NRXN1: variants seen among roughly 807,000 people sequenced by gnomAD.
NRXN1 encodes neurexin-1.
NRXN1 carries 39 observed loss-of-function variants against 150.9 expected under a neutral mutation model. The observed-to-expected ratio is 0.26, with a 90% CI of 0.20 to 0.34. The LOEUF is 0.34. Ranked by LOEUF, NRXN1 falls within the 10% of genes least tolerant of loss-of-function variation. NRXN1 has a pLI of 1.00. For synonymous variants in NRXN1, 924 were observed against 757.0 expected, an observed-to-expected ratio of 1.22 and a Z score of -3.62; for missense variants, 1,815 against 1,949.9, an observed-to-expected ratio of 0.93 and a Z score of 1.30.
intron 5 of NRXN1, among the ~76,000 whole-genome samples, chr2:50,786,791 G>A (rs555571333): frequency 7.9e-5 from 12 of 152,134 alleles, no homozygotes; most frequent in African/African-American, 1.9e-4. Context: ...ATTAATGCCC[G>A]CATAAGAATT....
intron 2 of NRXN1, among the ~76,000 whole-genome samples, chr2:50,985,599 A>C (rs891892626): frequency 6.6e-6 from 1 of 151,840 alleles, no homozygotes; most frequent in Non-Finnish European, 1.5e-5. Context: ...AATGTACTAC[A>C]ATAATAAGGA....
chr2:50,929,572 C>G (rs910285594), intron 2 of NRXN1, among the ~76,000 whole-genome samples: 1 of 152,036 alleles, frequency 6.6e-6, no homozygotes, highest in African/African-American at 2.4e-5. Flanking sequence ...GCCACTACTG[C>G]GAGTAGCTTC....
In NRXN1 at chr2:51,027,960, G is replaced by T. The variant is rs1256940986; in HGVS notation, c.314C>A (p.Ala105Asp). The T allele has an allele frequency of 5.0e-6, 8 of 1,602,516 alleles. No homozygotes were observed. The South Asian group carries it at 5.5e-5, about 11-fold the overall frequency. ...GGCGCCGTCGTTAACCGGCGTGTCG[G>T]CCAGGAGCGTCGCAGGCTCAGCGCA... ...IFCAEPATLL[A>D]DTPVNDGAWH... Residue 105 changes from alanine (A) to aspartate (D), a missense_variant, in exon 2 of 23, where the codon GCC becomes GAC. Physicochemically the swap from Ala to Asp is moderately radical, Grantham distance 126. Transcript: ENST00000401669.
chr2:49,953,177 A>T (rs1165508094), intron 21 of NRXN1, among the ~76,000 whole-genome samples: 1 of 152,168 alleles, frequency 6.6e-6, no homozygotes, highest in African/African-American at 2.4e-5. Context: ...ACAGCAAGAA[A>T]TATGGATGTG....
chr2:50,167,222 C>G (rs1049944686), intron 18 of NRXN1, among the ~76,000 whole-genome samples: 45 of 152,108 alleles, frequency 3.0e-4, no homozygotes, highest in African/African-American at 1.1e-3. Flanking sequence ...TGCCTCACCC[C>G]TTATGCATTA....
intron 2 of NRXN1, among the ~76,000 whole-genome samples, chr2:51,001,234 T>TGGG (rs749646036): frequency 3.1e-3 from 42 of 13,470 alleles, no homozygotes; most frequent in South Asian, 7.5e-3. Flanking sequence ...TTCATGGGGT[T>TGGG]GGGGGGGGGG....
chr2:50,351,240 A>T (rs904198562), intron 17 of NRXN1, among the ~76,000 whole-genome samples: 1 of 152,148 alleles, frequency 6.6e-6, no homozygotes, highest in African/African-American at 2.4e-5. Context: ...AATGTATTCT[A>T]AAAAAATTCA....
At chr2:50,702,360 A>T (rs1306665777) in intron 5 of NRXN1, among the ~76,000 whole-genome samples, 1 of 151,332 alleles carries the variant, frequency 6.6e-6, no homozygotes, top group African/African-American at 2.5e-5. Flanking sequence ...TGTAATGAAA[A>T]AAAAAAACAA....
intron 16 of NRXN1, among the ~76,000 whole-genome samples, chr2:50,469,109 T>C (rs1017364333): frequency 1.3e-5 from 2 of 151,622 alleles, no homozygotes; most frequent in Non-Finnish European, 3.0e-5. Context: ...TCAGCATCAC[T>C]TGGGAACTTG....
At chr2:50,479,298 A>T (rs1436422851) in intron 15 of NRXN1, among the ~76,000 whole-genome samples, 2 of 152,182 alleles carry the variant, frequency 1.3e-5, no homozygotes, top group African/African-American at 4.8e-5. Context: ...CAATACTTCC[A>T]GCATGAATGC....
At chr2:50,437,670 TACTA>T (rs2085559736) in intron 17 of NRXN1, among the ~76,000 whole-genome samples, 1 of 151,936 alleles carries the variant, frequency 6.6e-6, no homozygotes, top group Non-Finnish European at 1.5e-5. Flanking sequence ...AGTCAGTTCC[TACTA>T]ACTACTTCAT....
Position 50,019,641 on chromosome 2 carries a change from C to CAAAAAAAAAAAAAAAAAAAAA in NRXN1, c.4128+33629_4128+33630insTTTTTTTTTTTTTTTTTTTTT, listed in dbSNP as rs764073226. On this transcript the variant is annotated intron_variant, in intron 21 of 22. Coordinates refer to ENST00000401669, the MANE Select transcript of NRXN1 (RefSeq NM_001330078.2). ...TGTAAGAAGGAGCAAGATTCCGTCT[C>CAAAAAAAAAAAAAAAAAAAAA]AAAAAAAAAAAAAAAAAAAAGGAGG... is the stretch of plus-strand genomic sequence containing the variant. Among the ~76,000 whole-genome samples the CAAAAAAAAAAAAAAAAAAAAA allele has an allele frequency of 4.7e-4, 12 of 25,544 alleles. 2 individuals carry two copies. The highest frequency in any genetic ancestry group is 1.2e-3 in the Admixed American group (2 of 1,614). 16.8% of individuals were successfully genotyped at this position (25,544 alleles called of 152,430 possible).
chr2:50,107,994 C>T (rs1251027147), intron 18 of NRXN1, among the ~76,000 whole-genome samples: 1 of 151,842 alleles, frequency 6.6e-6, no homozygotes, highest in Non-Finnish European at 1.5e-5. Context: ...ACAGTCACTC[C>T]ACTAACATTT....
chr2:50,469,184 T>C (rs1402310471), intron 16 of NRXN1, among the ~76,000 whole-genome samples: 3 of 151,614 alleles, frequency 2.0e-5, no homozygotes, highest in African/African-American at 7.3e-5. Context: ...GGGGTTGTAA[T>C]CTAGTGATTT....
chr2:50,580,556 A>G (rs1372618318), intron 8 of NRXN1, among the ~76,000 whole-genome samples: 2 of 152,212 alleles, frequency 1.3e-5, no homozygotes, highest in Non-Finnish European at 2.9e-5. Context: ...CTTCTGACTC[A>G]CCTAGTTCTC....
intron 17 of NRXN1, among the ~76,000 whole-genome samples, chr2:50,306,038 T>A (rs1273459334): frequency 5.9e-5 from 9 of 152,314 alleles, no homozygotes; most frequent in African/African-American, 2.2e-4. Context: ...AGACCTTGTG[T>A]GATTATTAAA....
intron 18 of NRXN1, among the ~76,000 whole-genome samples, chr2:50,199,904 A>C (rs1396178414): frequency 6.6e-6 from 1 of 152,162 alleles, no homozygotes; most frequent in East Asian, 1.9e-4. Flanking sequence ...AAAATCAGAT[A>C]TATAGAACAC....
intron 2 of NRXN1, among the ~76,000 whole-genome samples, chr2:50,991,815 A>G (rs116830973): frequency 0.035 from 5,352 of 152,162 alleles, 119 homozygotes; most frequent in Middle Eastern, 0.068. Flanking sequence ...CAACGATGCA[A>G]TACAAGCTTT....
chr2:50,842,634 A>T (rs966294166), intron 5 of NRXN1, among the ~76,000 whole-genome samples: 1 of 152,222 alleles, frequency 6.6e-6, no homozygotes, highest in African/African-American at 2.4e-5. Flanking sequence ...GTGTAGTTTG[A>T]TCAATTTGTC....
Sources: gnomAD v4.1 joint callset for allele counts (sites outside exome capture counted in the v4.1 genomes callset) on GRCh38, gnomAD v4.1.1 for gene constraint, MANE v1.5 for transcripts, NCBI Gene and HGNC (gene_info 2026-07-23, HGNC 2026-07-21) for gene names.